MACROD2: variants seen among roughly 807,000 people sequenced by gnomAD.
MACROD2 encodes mono-ADP ribosylhydrolase 2, also known as ADP-ribose glycohydrolase MACROD2.
A neutral mutation model predicts 70.4 loss-of-function variants in MACROD2; 36 were observed. The observed-to-expected ratio is 0.51, with a 90% CI of 0.39 to 0.68. The LOEUF (loss-of-function observed/expected upper bound fraction) is 0.68. MACROD2 is among the 30% of genes least tolerant of loss of function. MACROD2 has a pLI of 0.00. For synonymous variants in MACROD2, 172 were observed against 178.8 expected, an observed-to-expected ratio of 0.96 and a Z score of 0.30; for missense variants, 496 against 538.4, an observed-to-expected ratio of 0.92 and a Z score of 0.78.
intron 6 of MACROD2, among the ~76,000 whole-genome samples, chr20:15,358,649 A>G (rs1568746604): frequency 6.6e-6 from 1 of 152,170 alleles, no homozygotes; most frequent in South Asian, 2.1e-4. Flanking sequence ...CTAAAACAAA[A>G]TACTACAGAC....
At chr20:14,106,368 A>G (rs1278834238) in intron 3 of MACROD2, among the ~76,000 whole-genome samples, 1 of 152,196 alleles carries the variant, frequency 6.6e-6, no homozygotes, top group Non-Finnish European at 1.5e-5. Context: ...TTTGAGTGCC[A>G]GCTTAACCGT....
chr20:15,358,156 C>G (rs1398000766), intron 6 of MACROD2, among the ~76,000 whole-genome samples: 4 of 152,104 alleles, frequency 2.6e-5, no homozygotes, highest in Non-Finnish European at 5.9e-5. Context: ...AATGAGTGCT[C>G]CACCTTCATG....
intron 8 of MACROD2, among the ~76,000 whole-genome samples, chr20:15,656,817 G>A (rs889562499): frequency 6.6e-6 from 1 of 151,854 alleles, no homozygotes; most frequent in Non-Finnish European, 1.5e-5. Flanking sequence ...ATTAAACATA[G>A]CTCCAGTCCT....
intron 5 of MACROD2, among the ~76,000 whole-genome samples, chr20:14,872,853 C>G (rs2073504699): frequency 1.3e-5 from 2 of 152,050 alleles, no homozygotes; most frequent in South Asian, 4.2e-4. Flanking sequence ...AGGGAACTTA[C>G]AATCATGGCT....
chr20:15,317,496 T>A (rs2077824796), intron 6 of MACROD2, among the ~76,000 whole-genome samples: 1 of 142,332 alleles, frequency 7.0e-6, no homozygotes, highest in Admixed American at 7.0e-5. Context: ...TATCTATCTA[T>A]CTATCTATCT....
intron 3 of MACROD2, among the ~76,000 whole-genome samples, chr20:14,471,965 C>G (rs2084535884): frequency 1.3e-5 from 2 of 152,182 alleles, no homozygotes; most frequent in South Asian, 4.2e-4. Context: ...TGATGTTCAG[C>G]ATGATTTACA....
chr20:14,099,929 A>G (rs2054276138), intron 3 of MACROD2, among the ~76,000 whole-genome samples: 5 of 152,056 alleles, frequency 3.3e-5, no homozygotes, highest in Admixed American at 2.6e-4. Context: ...TTTGTAGCTA[A>G]CAATCCATGT....
At chr20:14,314,871 A>G (rs1326172538) in intron 3 of MACROD2, among the ~76,000 whole-genome samples, 2 of 152,128 alleles carry the variant, frequency 1.3e-5, no homozygotes. Flanking sequence ...AATTTTTTCC[A>G]CACAATTAGA....
At chr20:14,406,963 A>T (rs1211234006) in intron 3 of MACROD2, among the ~76,000 whole-genome samples, 1 of 152,130 alleles carries the variant, frequency 6.6e-6, no homozygotes, top group Non-Finnish European at 1.5e-5. Context: ...TTTAATATGA[A>T]GCTGTTGATT....
At chr20:14,308,359 G>C (rs145838924) in intron 3 of MACROD2, among the ~76,000 whole-genome samples, 1 of 152,066 alleles carries the variant, frequency 6.6e-6, no homozygotes, top group Admixed American at 6.6e-5. Context: ...TGAATCTTAC[G>C]TAGCTGAAGG....
At chr20:15,538,343 G>T (rs2047904684) in intron 8 of MACROD2, among the ~76,000 whole-genome samples, 1 of 152,154 alleles carries the variant, frequency 6.6e-6, no homozygotes, top group South Asian at 2.1e-4. Context: ...GAATCAATAG[G>T]ACCCACTAAA....
chr20:15,510,737 G>C (rs1418126634), intron 8 of MACROD2, among the ~76,000 whole-genome samples: 2 of 152,168 alleles, frequency 1.3e-5, no homozygotes, highest in Non-Finnish European at 2.9e-5. Flanking sequence ...AAACATACTG[G>C]AAAAAACATC....
rs1601293155 is a variant in MACROD2, at chr20:14,158,664, G to A, written c.271+72936G>A. ...TTCCCAGCACCATTTATTGAAGAGG[G>A]TGTCCTTTCCCAAAAGTATGTTCTT... On this transcript the variant is annotated intron_variant, in intron 3 of 17. Coordinates refer to ENST00000684519, the MANE Select transcript of MACROD2 (RefSeq NM_001351661.2). Among the ~76,000 whole-genome samples the A allele has an allele frequency of 2.0e-5, 3 of 152,162 alleles. No homozygotes were observed. The South Asian group carries it at 6.2e-4, about 32-fold the overall frequency.
chr20:14,789,492 T>TTTTTTTTA (rs2072422284), intron 5 of MACROD2, among the ~76,000 whole-genome samples: 1 of 139,304 alleles, frequency 7.2e-6, no homozygotes, highest in Admixed American at 7.3e-5. Flanking sequence ...TTTTTTTTTT[T>TTTTTTTTA]GAGATGGAGT....
chr20:15,001,945 CCACACACACACA>C (rs111994400), intron 5 of MACROD2, among the ~76,000 whole-genome samples: 2 of 145,988 alleles, frequency 1.4e-5, no homozygotes, highest in African/African-American at 5.0e-5. Context: ...GTGTGCATGC[CCACACACACACA>C]CACACACACA....
At chr20:15,374,912 C>T (rs550962742) in intron 6 of MACROD2, among the ~76,000 whole-genome samples, 47 of 152,248 alleles carry the variant, frequency 3.1e-4, no homozygotes, top group South Asian at 1.2e-3. Context: ...TAAACTAGTG[C>T]GCAGTAAAGA....
At chr20:14,513,871 A>G (rs2085057369) in intron 4 of MACROD2, among the ~76,000 whole-genome samples, 2 of 152,086 alleles carry the variant, frequency 1.3e-5, no homozygotes, top group African/African-American at 2.4e-5. Context: ...ATGGGATGCT[A>G]TTAAATTTCT....
At chr20:15,277,316 T>C (rs2077402402) in intron 6 of MACROD2, among the ~76,000 whole-genome samples, 1 of 152,168 alleles carries the variant, frequency 6.6e-6, no homozygotes, top group South Asian at 2.1e-4. Context: ...AAAAACTTGA[T>C]CAAAAGCCGA....
chr20:14,370,325 GA>G (rs2083310442), intron 3 of MACROD2, among the ~76,000 whole-genome samples: 1 of 152,086 alleles, frequency 6.6e-6, no homozygotes, highest in Admixed American at 6.5e-5. Flanking sequence ...TTAAATAAAA[GA>G]AAAAGGTAGC....
Sources: gnomAD v4.1 joint callset for allele counts (sites outside exome capture counted in the v4.1 genomes callset) on GRCh38, gnomAD v4.1.1 for gene constraint, MANE v1.5 for transcripts, NCBI Gene and HGNC (gene_info 2026-07-23, HGNC 2026-07-21) for gene names.